The following TMCC3 variants were observed in gnomAD, a reference collection of about 807,000 sequenced individuals.
TMCC3 encodes the protein transmembrane and coiled-coil domain protein 3.
A neutral mutation model predicts 40.2 loss-of-function variants in TMCC3; 28 were observed. The observed-to-expected ratio is 0.70, with a 90% confidence interval of 0.52 to 0.95. The LOEUF is 0.95. TMCC3 is among the 40% of genes least tolerant of loss of function. TMCC3 has a pLI of 0.00. For missense variants in TMCC3, 554 were observed against 615.2 expected, an observed-to-expected ratio of 0.90 and a Z score of 1.05; for synonymous variants, 255 against 248.5, an observed-to-expected ratio of 1.03 and a Z score of -0.25.
At chr12:94,641,772 G>C (rs186203574) in intron 1 of TMCC3, among the ~76,000 whole-genome samples, 64 of 152,256 alleles carry the variant, frequency 4.2e-4, no homozygotes, top group Admixed American at 7.8e-4. Context: ...ACGCACAGAT[G>C]ATGAGCTCCA....
At chr12:94,639,737 G>A (rs1483136799) in intron 1 of TMCC3, among the ~76,000 whole-genome samples, 1 of 54,380 alleles carries the variant, frequency 1.8e-5, no homozygotes, top group African/African-American at 7.5e-5. Flanking sequence ...ATATAAATTA[G>A]AAAAGGAAGC....
rs146271123 is a variant in TMCC3 at position 94,618,673 on chromosome 12, G to A, written c.78+31680C>T. Among the ~76,000 whole-genome samples the A allele has an allele frequency of 4.0e-3, 609 of 152,240 alleles. 5 individuals carry two copies. The highest frequency in any genetic ancestry group is 0.014 in the African/African-American group (586 of 41,546). On this transcript the variant is annotated intron_variant, in intron 1 of 3. Transcript: ENST00000261226. ...GCCGAGGAAGAACAAGTTCCTCCTCGCTCACATATGTAGTCTGAACCTGAG... is the reference window on the plus strand; with the variant it reads ...GCCGAGGAAGAACAAGTTCCTCCTCACTCACATATGTAGTCTGAACCTGAG...
chr12:94,587,662 G>T (rs921710567), intron 1 of TMCC3, among the ~76,000 whole-genome samples: 4 of 152,140 alleles, frequency 2.6e-5, no homozygotes, highest in African/African-American at 9.7e-5. Flanking sequence ...ACAAATGTTT[G>T]TTACTGTTAT....
intron 1 of TMCC3, among the ~76,000 whole-genome samples, chr12:94,639,764 GAAA>G (rs10716116): frequency 4.8e-5 from 5 of 103,248 alleles, no homozygotes; most frequent in African/African-American, 1.5e-4. Context: ...CAAGAGGTAA[GAAA>G]AAAAAAAAAA....
At chr12:94,590,974 A>G (rs749063658) in intron 1 of TMCC3, 2 of 565,642 alleles carry the variant, frequency 3.5e-6, no homozygotes, top group Non-Finnish European at 3.5e-6. Flanking sequence ...ACATTTAAAT[A>G]TGATCTTGGG....
intron 1 of TMCC3, among the ~76,000 whole-genome samples, chr12:94,632,725 G>A (rs1210470253): frequency 2.0e-5 from 3 of 152,190 alleles, no homozygotes; most frequent in Non-Finnish European, 4.4e-5. Flanking sequence ...TTAGAAGAAT[G>A]GCTGTAAATA....
chr12:94,630,831 C>T (rs1309838907), intron 1 of TMCC3, among the ~76,000 whole-genome samples: 10 of 152,134 alleles, frequency 6.6e-5, no homozygotes, highest in African/African-American at 2.4e-4. Context: ...CGGGTTCAAG[C>T]GATTCTCGTG....
At position 94,641,803 on chromosome 12, in the gene TMCC3, CT is replaced by C. The variant is rs2068992546; in HGVS notation, c.78+8549del. Among the ~76,000 whole-genome samples, 3 of 152,124 alleles carry C rather than the reference CT, an allele frequency of 2.0e-5. No individual in the cohort carries two copies. The East Asian group carries it at 5.8e-4, about 29-fold the overall frequency. ...CTCCATGGCTTATGCATCTGGCATA[CT>C]TTTTTCCCCAATATCCCACCCCAAC... On this transcript the variant is annotated intron_variant, in intron 1 of 3. Coordinates refer to ENST00000261226, the MANE Select transcript of TMCC3 (RefSeq NM_020698.4).
chr12:94,575,549 C>A (rs2068558843), intron 3 of TMCC3, among the ~76,000 whole-genome samples: 1 of 152,162 alleles, frequency 6.6e-6, no homozygotes, highest in Non-Finnish European at 1.5e-5. Context: ...ACACAGATGT[C>A]CTCTTTACAC....
At chr12:94,592,764 A>G (rs1031014314) in intron 1 of TMCC3, among the ~76,000 whole-genome samples, 1 of 151,548 alleles carries the variant, frequency 6.6e-6, no homozygotes. Context: ...TAGAATACAC[A>G]TATCTTTCAT....
At chr12:94,606,077 C>T (rs1320680729) in intron 1 of TMCC3, among the ~76,000 whole-genome samples, 3 of 152,200 alleles carry the variant, frequency 2.0e-5, no homozygotes, top group African/African-American at 7.2e-5. Context: ...GTCTTGAAAG[C>T]GTCAATGCTA....
rs2068521905 is a variant in TMCC3 at position 94,570,683 on chromosome 12, A to G, written c.*752T>C. 1.3e-5 allele frequency: 2 copies of G among 152,646 alleles called. No homozygotes were observed. Among genetic ancestry groups the G allele is most frequent in the African/African-American group, 2.4e-5 (1 of 41,458 alleles). The allele number at this position is 152,646 out of a possible 1,614,324, so 9.5% of individuals were successfully genotyped here. ...TGTTAAAGTCACAGTCTGATGAGGG[A>G]TTTGAAAACATTCCTGCACACTCTG... On this transcript the variant is annotated 3_prime_UTR_variant, in exon 4 of 4. Coordinates refer to ENST00000261226, the MANE Select transcript of TMCC3 (RefSeq NM_020698.4).
chr12:94,604,935 A>C (rs1259029299), intron 1 of TMCC3, among the ~76,000 whole-genome samples: 1 of 152,158 alleles, frequency 6.6e-6, no homozygotes, highest in Non-Finnish European at 1.5e-5. Flanking sequence ...ATCTGCTGAG[A>C]GCCTAGCAAG....
chr12:94,613,450 G>C (rs907895763), intron 1 of TMCC3, among the ~76,000 whole-genome samples: 5 of 152,120 alleles, frequency 3.3e-5, no homozygotes, highest in African/African-American at 1.2e-4. Flanking sequence ...CTGGGTGACA[G>C]AGCGAGACCC....
intron 1 of TMCC3, among the ~76,000 whole-genome samples, chr12:94,615,418 C>T (rs532139279): frequency 6.6e-6 from 1 of 152,332 alleles, no homozygotes; most frequent in African/African-American, 2.4e-5. Flanking sequence ...TCTTCCCCAA[C>T]GTGGGCTGGG....
At chr12:94,603,895 A>G (rs1192756673) in intron 1 of TMCC3, among the ~76,000 whole-genome samples, 1 of 136,966 alleles carries the variant, frequency 7.3e-6, no homozygotes, top group Admixed American at 7.9e-5. Context: ...GTTAACATAC[A>G]GTATTGCTCA....
chr12:94,633,969 A>G (rs1444761941), intron 1 of TMCC3, among the ~76,000 whole-genome samples: 1 of 149,752 alleles, frequency 6.7e-6, no homozygotes, highest in Non-Finnish European at 1.5e-5. Context: ...TTTTTGAGAC[A>G]GAGTCTCGCT....
chr12:94,628,787 C>G (rs138636222), intron 1 of TMCC3, among the ~76,000 whole-genome samples: 1 of 152,156 alleles, frequency 6.6e-6, no homozygotes, highest in African/African-American at 2.4e-5. Context: ...GCCATAAGCG[C>G]GTGACTTTTG....
chr12:94,615,985 G>C, intron 1 of TMCC3: 1 of 985,412 alleles, frequency 1.0e-6, no homozygotes, highest in Non-Finnish European at 1.2e-6. Flanking sequence ...CCTCCTGCCC[G>C]AGGCATTTGA....
Sources: gnomAD v4.1 joint callset for allele counts (sites outside exome capture counted in the v4.1 genomes callset) on GRCh38, gnomAD v4.1.1 for gene constraint, MANE v1.5 for transcripts, NCBI Gene and HGNC (gene_info 2026-07-23, HGNC 2026-07-21) for gene names.